MROH9: variants seen among roughly 807,000 people sequenced by gnomAD.
The protein encoded by MROH9 is maestro heat like repeat family member 9, also known as maestro heat-like repeat-containing protein family member 9.
Under a neutral mutation model 98.2 loss-of-function variants are expected in MROH9, and 92 were observed. The ratio of observed to expected loss-of-function variants is 0.94; its 90% CI spans 0.79 to 1.11. MROH9 has a LOEUF of 1.11. Ranked by LOEUF, MROH9 falls within the 50% of genes most tolerant of loss-of-function variation. The probability of loss-of-function intolerance (pLI) is 0.00; values close to 1 mark genes in which losing one functional copy is unlikely to be tolerated. For synonymous variants in MROH9, 397 were observed against 368.9 expected, an observed-to-expected ratio of 1.08 and a Z score of -0.87; for missense variants, 1,057 against 1,014.8, an observed-to-expected ratio of 1.04 and a Z score of -0.57.
intron 10 of MROH9, among the ~76,000 whole-genome samples, chr1:170,987,001 C>T (rs1041607372): frequency 6.6e-5 from 10 of 151,896 alleles, no homozygotes; most frequent in African/African-American, 2.2e-4. Context: ...CAGGCATGTA[C>T]CACCACACCC....
chr1:170,990,726 C>T (rs1415797280), intron 11 of MROH9, among the ~76,000 whole-genome samples: 1 of 152,140 alleles, frequency 6.6e-6, no homozygotes, highest in Non-Finnish European at 1.5e-5. Flanking sequence ...TTTCCATCAA[C>T]TTTGACCCTT....
At chr1:171,037,625 G>T (rs553099064) in intron 20 of MROH9, among the ~76,000 whole-genome samples, 90 of 151,860 alleles carry the variant, frequency 5.9e-4, no homozygotes, top group African/African-American at 2.1e-3. Context: ...AATTAAAGTA[G>T]AAAAGTTAGC....
chr1:170,996,407 C>G, intron 13 of MROH9, 100 bp from the exon 14 acceptor site: 1 of 1,357,424 alleles, frequency 7.4e-7, no homozygotes, highest in Non-Finnish European at 1.0e-6. Flanking sequence ...TTCTCAAAAC[C>G]TATATTCTGC....
At position 170,958,581 on chromosome 1, in the gene MROH9, TGC is replaced by T. The variant is rs199716584; in HGVS notation, c.152+42_152+43del. On this transcript the variant is annotated intron_variant, in intron 4 of 21. Coordinates refer to ENST00000367759, the MANE Select transcript of MROH9 (RefSeq NM_001163629.2). ...ATGCTCTTTTATTTCACTAATTGGATGCATTTAAAATGTTATATCTTTAAAAA... is the reference window on the plus strand; with the variant it reads ...ATGCTCTTTTATTTCACTAATTGGATATTTAAAATGTTATATCTTTAAAAA... 30,002 of 1,316,674 alleles carry T rather than the reference TGC, an allele frequency of 0.023. 4,197 individuals carry two copies. In the African/African-American group the frequency reaches 0.34, roughly 15 times the overall value. The allele number at this position is 1,316,674 out of a possible 1,614,324, so 81.6% of individuals were successfully genotyped here.
In MROH9 at chr1:171,060,941, G is replaced by C. The variant is rs533057807; in HGVS notation, c.2282-1191G>C. Among the ~76,000 whole-genome samples the C allele has an allele frequency of 2.0e-5, 3 of 152,202 alleles. 1 individual carries two copies. Among genetic ancestry groups the C allele is most frequent in the African/African-American group, 7.2e-5 (3 of 41,534 alleles). ...AAACAAATGCAAATGGAAAAATTTA[G>C]CCATGAGATAAGAGAAGATATTGTA... On this transcript the variant is annotated intron_variant, in intron 20 of 21. Transcript: ENST00000367759.
chr1:170,989,111 T>C (rs917475612), intron 10 of MROH9, among the ~76,000 whole-genome samples: 2 of 152,178 alleles, frequency 1.3e-5, no homozygotes, highest in Non-Finnish European at 2.9e-5. Context: ...TAATGTAAAT[T>C]TGCATCAACT....
chr1:171,049,257 TCTGAAAGAGGTA>T (rs564441776), intron 20 of MROH9, among the ~76,000 whole-genome samples: 418 of 152,048 alleles, frequency 2.7e-3, no homozygotes, highest in Non-Finnish European at 4.7e-3. Context: ...ACTTCATATC[TCTGAAAGAGGTA>T]CTGCAGACAT....
intron 3 of MROH9, among the ~76,000 whole-genome samples, chr1:170,955,869 C>T (rs1649739341): frequency 6.6e-6 from 1 of 152,114 alleles, no homozygotes; most frequent in Admixed American, 6.6e-5. Context: ...CTTTTGGGTT[C>T]TTGGTCATGA....
intron 20 of MROH9, among the ~76,000 whole-genome samples, chr1:171,028,129 T>C (rs1354374314): frequency 6.6e-6 from 1 of 152,202 alleles, no homozygotes; most frequent in Non-Finnish European, 1.5e-5. Flanking sequence ...CTGAATGGTA[T>C]TGCCTAGGTT....
chr1:171,063,672 G>T (rs1454115008), intron 21 of MROH9, among the ~76,000 whole-genome samples: 1 of 152,042 alleles, frequency 6.6e-6, no homozygotes, highest in African/African-American at 2.4e-5. Flanking sequence ...AGAAATATGG[G>T]CCTACATTAT....
rs1651362516 is a variant in MROH9 at position 170,991,711 on chromosome 1, ATTAT to A, written c.1029-449_1029-446del. On this transcript the variant is annotated intron_variant, in intron 11 of 21. Coordinates refer to ENST00000367759, the MANE Select transcript of MROH9 (RefSeq NM_001163629.2). ...TGAGCTCAGTTTTGTTTTTATTTTT[ATTAT>A]TTAATTAGTTCATTTTTATTTAGGA... Among the ~76,000 whole-genome samples the A allele has an allele frequency of 3.9e-5, 6 of 152,128 alleles. 1 individual carries two copies. The East Asian group carries it at 1.2e-3, about 29-fold the overall frequency.
intron 20 of MROH9, among the ~76,000 whole-genome samples, chr1:171,052,340 C>T (rs1653695514): frequency 6.6e-6 from 1 of 152,136 alleles, no homozygotes; most frequent in South Asian, 2.1e-4. Flanking sequence ...TCCGTGGCCC[C>T]CCAGTGGTAG....
At chr1:170,954,048 G>A (rs1023626649) in intron 3 of MROH9, among the ~76,000 whole-genome samples, 1 of 152,016 alleles carries the variant, frequency 6.6e-6, no homozygotes, top group African/African-American at 2.4e-5. Flanking sequence ...ATGAAAACAT[G>A]ATGGTGGTCT....
intron 20 of MROH9, among the ~76,000 whole-genome samples, chr1:171,055,158 T>C (rs1653796287): frequency 6.6e-6 from 1 of 152,134 alleles, no homozygotes. Flanking sequence ...GGTGTATATA[T>C]ACTGTGAAAT....
chr1:170,952,682 T>C (rs1571443179), intron 3 of MROH9, among the ~76,000 whole-genome samples: 3 of 151,908 alleles, frequency 2.0e-5, no homozygotes. Context: ...CACACCAACA[T>C]GGCACATGTA....
At chr1:170,978,367 A>G (rs917595931) in intron 8 of MROH9, among the ~76,000 whole-genome samples, 1 of 152,156 alleles carries the variant, frequency 6.6e-6, no homozygotes, top group African/African-American at 2.4e-5. Context: ...GGGGCTGTCA[A>G]ACACCTCTGG....
At chr1:170,959,031 ACT>A (rs543064656) in intron 4 of MROH9, among the ~76,000 whole-genome samples, 21 of 152,050 alleles carry the variant, frequency 1.4e-4, no homozygotes, top group Non-Finnish European at 2.5e-4. Context: ...AATATTTAAG[ACT>A]CATCTGTCAT....
chr1:171,014,900 C>A, intron 16 of MROH9: 1 of 452,984 alleles, frequency 2.2e-6, no homozygotes, highest in Non-Finnish European at 4.6e-6. Flanking sequence ...GGTGGGCCCA[C>A]CAATCTGTGT....
intron 8 of MROH9, among the ~76,000 whole-genome samples, chr1:170,978,096 C>A (rs1650785400): frequency 1.3e-5 from 2 of 152,060 alleles, no homozygotes; most frequent in African/African-American, 4.8e-5. Context: ...TCATTTGCCC[C>A]CTTGAGCTCT....
Sources: allele counts gnomAD v4.1 joint callset (sites outside exome capture counted in the v4.1 genomes callset), GRCh38; gene constraint gnomAD v4.1.1; transcripts MANE v1.5; gene names NCBI Gene and HGNC (gene_info 2026-07-23, HGNC 2026-07-21).